Variants in PTPRD observed in about 807,000 individuals in gnomAD.
PTPRD encodes the protein protein tyrosine phosphatase receptor type D, also known as receptor-type tyrosine-protein phosphatase delta.
A neutral mutation model predicts 214.5 loss-of-function variants in PTPRD; 34 were observed. That is an observed-to-expected ratio of 0.16 (90% CI 0.12 to 0.21). The LOEUF (loss-of-function observed/expected upper bound fraction) is 0.21, where lower values mean the gene tolerates loss of function less well. Among genes scored for constraint, PTPRD ranks in the 10% least tolerant of loss-of-function variants. PTPRD has a pLI of 1.00. For missense variants in PTPRD, 2,545 were observed against 2,398.7 expected (o/e 1.06, Z -1.27); for synonymous variants, 1,128 against 845.7 (o/e 1.33, Z -5.79).
intron 2 of PTPRD, among the ~76,000 whole-genome samples, chr9:10,479,946 T>A (rs1362155272): frequency 6.6e-6 from 1 of 152,036 alleles, no homozygotes. Context: ...GTCTTAAAAT[T>A]TTTCGTTTTT....
chr9:9,023,418 T>C (rs1384814289), intron 10 of PTPRD, among the ~76,000 whole-genome samples: 2 of 152,090 alleles, frequency 1.3e-5, no homozygotes, highest in East Asian at 1.9e-4. Flanking sequence ...TTGGCACACA[T>C]GATAAACACA....
intron 9 of PTPRD, among the ~76,000 whole-genome samples, chr9:9,308,758 T>A (rs1957935620): frequency 6.6e-6 from 1 of 152,210 alleles, no homozygotes. Context: ...TGATACAATT[T>A]AAAACATAAT....
chr9:8,623,912 C>T (rs538861310), intron 14 of PTPRD, among the ~76,000 whole-genome samples: 21 of 151,922 alleles, frequency 1.4e-4, no homozygotes, highest in African/African-American at 4.6e-4. Context: ...AACGAATAAA[C>T]GAAAAAGCAA....
chr9:8,537,423 T>C (rs573712391), intron 14 of PTPRD, among the ~76,000 whole-genome samples: 1 of 152,046 alleles, frequency 6.6e-6, no homozygotes, highest in African/African-American at 2.4e-5. Flanking sequence ...AAAGTAATTA[T>C]GAACAAGATA....
At chr9:9,275,199 T>TATATATATGTAATATATATATA in intron 9 of PTPRD, among the ~76,000 whole-genome samples, 1 of 10,402 alleles carries the variant, frequency 9.6e-5, no homozygotes, top group African/African-American at 2.4e-4. Context: ...TATATATATA[T>TATATATATGTAATATATATATA]TATATATATA....
intron 3 of PTPRD, among the ~76,000 whole-genome samples, chr9:10,228,110 TA>T (rs2099595278): frequency 6.6e-6 from 1 of 151,342 alleles, no homozygotes; most frequent in Non-Finnish European, 1.5e-5. Flanking sequence ...CTTAAAACTT[TA>T]AAAAAAGAGA....
chr9:8,409,922 C>A (rs2093374555), intron 35 of PTPRD, among the ~76,000 whole-genome samples: 1 of 152,150 alleles, frequency 6.6e-6, no homozygotes, highest in South Asian at 2.1e-4. Flanking sequence ...CTTTCAATGA[C>A]CTTAACTTCC....
At position 8,317,901 on chromosome 9, in the gene PTPRD, C is replaced by T. The variant is rs2130452095; in HGVS notation, c.5712G>A (p.Leu1904=). Residue 1904 remains leucine (L), a synonymous_variant, in exon 46 of 46, where the codon CTG becomes CTA. Coordinates refer to ENST00000381196, the MANE Select transcript of PTPRD (RefSeq NM_002839.4). The part of the protein sequence containing the change: ...QFSYRAALEY[L]GSFDHYAT ...ACGTTGCATAGTGGTCAAAGCTGCC[C>T]AGGTACTCTAGTGCGGCACGATAGG... is the stretch of plus-strand genomic sequence containing the variant. 3 of 1,612,138 alleles carry T rather than the reference C, an allele frequency of 1.9e-6. No homozygotes were observed. Among genetic ancestry groups the T allele is most frequent in the Non-Finnish European group, 2.5e-6 (3 of 1,178,714 alleles).
chr9:8,907,701 G>A (rs368421763), intron 11 of PTPRD, among the ~76,000 whole-genome samples: 9 of 151,568 alleles, frequency 5.9e-5, no homozygotes, highest in African/African-American at 1.5e-4. Context: ...ATAATAAGAC[G>A]TGTAAGAAGG....
At position 10,255,557 on chromosome 9, in the gene PTPRD, G is replaced by A. The variant is rs1188016623; in HGVS notation, c.-545+85406C>T. On this transcript the variant is annotated intron_variant, in intron 3 of 45. Transcript: ENST00000381196. ...GAGGTGCGCGAATATAAAGGCCTAG[G>A]ACATTACACTACTATAGATTTTATA... 2.0e-5 allele frequency among the ~76,000 whole-genome samples: 3 copies of A among 152,174 alleles called. No individual in the cohort carries two copies. The East Asian group carries it at 5.8e-4, about 30-fold the overall frequency.
chr9:9,419,902 C>T (rs2078162945), intron 8 of PTPRD, among the ~76,000 whole-genome samples: 1 of 151,546 alleles, frequency 6.6e-6, no homozygotes, highest in African/African-American at 2.4e-5. Flanking sequence ...TATTTATCAA[C>T]AACTGAACAA....
At chr9:8,792,002 T>C (rs2096253112) in intron 11 of PTPRD, among the ~76,000 whole-genome samples, 1 of 152,058 alleles carries the variant, frequency 6.6e-6, no homozygotes, top group Non-Finnish European at 1.5e-5. Flanking sequence ...GCAAGAAATG[T>C]GTGAGAATTA....
chr9:8,494,324 A>G (rs943795520), intron 26 of PTPRD, among the ~76,000 whole-genome samples: 4 of 152,196 alleles, frequency 2.6e-5, no homozygotes, highest in Admixed American at 6.5e-5. Context: ...AGAAGTTCAG[A>G]TATCATCCTG....
chr9:8,613,036 C>T (rs1242948730), intron 14 of PTPRD, among the ~76,000 whole-genome samples: 2 of 152,132 alleles, frequency 1.3e-5, no homozygotes, highest in Non-Finnish European at 2.9e-5. Flanking sequence ...TTATATTCAA[C>T]ATTCTGTCAA....
chr9:9,166,878 TAA>T (rs1022191556), intron 10 of PTPRD, among the ~76,000 whole-genome samples: 1 of 152,178 alleles, frequency 6.6e-6, no homozygotes, highest in African/African-American at 2.4e-5. Context: ...CCTATAGTTA[TAA>T]GAGTCATATA....
intron 3 of PTPRD, among the ~76,000 whole-genome samples, chr9:10,198,360 T>G (rs1292849843): frequency 6.6e-6 from 1 of 152,140 alleles, no homozygotes; most frequent in Non-Finnish European, 1.5e-5. Context: ...TGGTCAGGCA[T>G]GAATGATAGT....
chr9:9,919,270 A>ACCTC (rs147004280), intron 5 of PTPRD, among the ~76,000 whole-genome samples: 2,179 of 152,070 alleles, frequency 0.014, 41 homozygotes, highest in African/African-American at 0.049. Flanking sequence ...TATTACCTTG[A>ACCTC]CCTCCAGTCA....
At chr9:10,004,741 A>G (rs538186034) in intron 4 of PTPRD, among the ~76,000 whole-genome samples, 72 of 152,224 alleles carry the variant, frequency 4.7e-4, no homozygotes, top group African/African-American at 1.5e-3. Context: ...TATAAAATCA[A>G]TGGTTCCCAA....
chr9:8,702,080 C>A (rs1296527491), intron 12 of PTPRD, among the ~76,000 whole-genome samples: 2 of 152,206 alleles, frequency 1.3e-5, no homozygotes, highest in Non-Finnish European at 2.9e-5. Context: ...TACTTTGTGT[C>A]ACTTTAGTTT....
Sources: allele counts gnomAD v4.1 joint callset (sites outside exome capture counted in the v4.1 genomes callset), GRCh38; gene constraint gnomAD v4.1.1; transcripts MANE v1.5; gene names NCBI Gene and HGNC (gene_info 2026-07-23, HGNC 2026-07-21).